Variants in DIPK1C observed in about 807,000 individuals in gnomAD.
The protein encoded by DIPK1C is divergent protein kinase domain 1C, also known as familial non-conventional Alzheimer's dementia.
In DIPK1C, 33 loss-of-function variants were observed where a neutral mutation model predicts 28.0. The ratio of observed to expected loss-of-function variants is 1.18; its 90% confidence interval spans 0.89 to 1.58. The LOEUF (loss-of-function observed/expected upper bound fraction) is 1.58, where lower values mean the gene tolerates loss of function less well. Among genes scored for constraint, DIPK1C ranks in the 40% most tolerant of loss-of-function variants. The pLI is 0.00. For missense variants in DIPK1C, 569 were observed against 568.5 expected, an observed-to-expected ratio of 1.00 and a Z score of -0.01; for synonymous variants, 255 against 248.8, an observed-to-expected ratio of 1.02 and a Z score of -0.23.
chr18:74,446,476 T>G, intron 2 of DIPK1C, 130 bp downstream of exon 2: 1 of 828,836 alleles, frequency 1.2e-6, no homozygotes, highest in South Asian at 4.0e-5. Flanking sequence ...AGGTGGGAGT[T>G]CTCTAAGGCT....
chr18:74,445,820 C>T (rs933984973), intron 2 of DIPK1C, among the ~76,000 whole-genome samples: 1 of 152,232 alleles, frequency 6.6e-6, no homozygotes, highest in African/African-American at 2.4e-5. Flanking sequence ...CTTATTACTA[C>T]TTCCTGTTGG....
intron 1 of DIPK1C, among the ~76,000 whole-genome samples, chr18:74,449,911 G>A (rs528329363): frequency 1.3e-5 from 2 of 152,292 alleles, no homozygotes; most frequent in South Asian, 2.1e-4. Flanking sequence ...TCCCAGGCAC[G>A]GGGTCATGAA....
At chr18:74,449,676 T>C (rs190070418) in intron 1 of DIPK1C, among the ~76,000 whole-genome samples, 30 of 152,252 alleles carry the variant, frequency 2.0e-4, no homozygotes, top group Admixed American at 1.6e-3. Context: ...GGCCTGTAGA[T>C]AGAAACTCAG....
chr18:74,446,714 G>A lies in DIPK1C; in HGVS notation c.768C>T (p.Ile256=), dbSNP rs537562844. Residue 256 remains isoleucine, a synonymous_variant, in exon 2 of 4, where the codon ATC becomes ATT. Transcript: ENST00000343998. ...TCACCATGTCCAAGAAGCTGAGTGC[G>A]ATGTCACTGATGGCCTTGGCCTGGC... The part of the protein sequence containing the change: ...GGGQAKAISD[I]ALSFLDMVNH... 35 of 1,543,096 alleles carry A rather than the reference G, an allele frequency of 2.3e-5. 1 individual carries two copies. The South Asian group carries it at 3.5e-4, about 15-fold the overall frequency.
the DIPK1C span, among the ~76,000 whole-genome samples, chr18:74,464,239 CA>C: frequency 6.6e-6 from 1 of 152,200 alleles, no homozygotes; most frequent in African/African-American, 2.4e-5. Flanking sequence ...TGCTCAAACC[CA>C]GTACTCCTGG....
At chr18:74,454,264 AG>A (rs1986457749) in intron 1 of DIPK1C, among the ~76,000 whole-genome samples, 1 of 152,106 alleles carries the variant, frequency 6.6e-6, no homozygotes, top group Non-Finnish European at 1.5e-5. Flanking sequence ...GAAACTTGTC[AG>A]GGGGGTGTGG....
rs1039462183 is a variant in DIPK1C at position 74,438,330 on chromosome 18, T to C, written c.1042-1611A>G. On this transcript the variant is annotated intron_variant, in intron 3 of 3. Transcript: ENST00000343998. ...TGCATAATAACTTTTGCATTATGAA[T>C]AATACTGCAATAAATGTCTTGCAGA... 2.6e-5 allele frequency among the ~76,000 whole-genome samples: 4 copies of C among 152,258 alleles called. No homozygotes were observed. The East Asian group carries it at 7.7e-4, about 29-fold the overall frequency.
At chr18:74,462,928 G>A (rs1986638115), upstream of DIPK1C, among the ~76,000 whole-genome samples, 2 of 152,204 alleles carry the variant, frequency 1.3e-5, no homozygotes, top group African/African-American at 2.4e-5. Context: ...TCCTGCAGCT[G>A]GGTCCTTTTA....
In DIPK1C at chr18:74,447,171, A is replaced by G. The variant is rs1399518465; in HGVS notation, c.311T>C (p.Leu104Pro). Residue 104 changes from leucine (L) to proline (P), a missense_variant, in exon 2 of 4, where the codon CTG becomes CCG. Physicochemically the swap from Leu to Pro is moderately conservative, Grantham distance 98 (BLOSUM62 -3). Transcript: ENST00000343998. This position sits in a 1 kb window ranked among gnomAD's most constrained non-coding sequence, Gnocchi z 4.1. Reference sequence around the variant, plus strand: ...GGGCCGGCCGCGCCAGTCGGCCTGCAGCACCTTCTTGCCTCTGTTGTAGTG... The same window carrying G: ...GGGCCGGCCGCGCCAGTCGGCCTGCGGCACCTTCTTGCCTCTGTTGTAGTG... Reference protein sequence around the residue: ...CLHYNRGKKVLQADWRGRPVV... With the variant: ...CLHYNRGKKVPQADWRGRPVV... 5.8e-6 allele frequency: 9 copies of G among 1,550,474 alleles called. No individual in the cohort carries two copies. Among genetic ancestry groups the G allele is most frequent in the Admixed American group, 2.0e-5 (1 of 50,990 alleles).
intron 3 of DIPK1C, among the ~76,000 whole-genome samples, chr18:74,441,542 G>A (rs1373454144): frequency 6.6e-6 from 1 of 152,198 alleles, no homozygotes; most frequent in Non-Finnish European, 1.5e-5. Context: ...CTGTCTGGAT[G>A]GTGGTTTCTG....
rs776487921 is a variant in DIPK1C, at chr18:74,447,053, G to A, written c.429C>T (p.Pro143=). 1.9e-5 allele frequency: 30 copies of A among 1,549,662 alleles called. No individual in the cohort carries two copies. Among genetic ancestry groups the A allele is most frequent in the African/African-American group, 1.6e-4 (12 of 73,036 alleles). ...EEAGEGGQDM[P]EAELLLMVAG... is the part of the protein sequence containing the mutation. ...CCACCATCAGGAGGAGTTCGGCCTCGGGCATGTCCTGGCCACCCTCCCCTG... is the reference window on the plus strand; with the variant it reads ...CCACCATCAGGAGGAGTTCGGCCTCAGGCATGTCCTGGCCACCCTCCCCTG... The change falls in exon 2 of 4, where the codon CCC becomes CCT. Residue 143 remains proline, a synonymous_variant. Coordinates refer to ENST00000343998, the MANE Select transcript of DIPK1C (RefSeq NM_001044369.3). This position sits in a 1 kb window ranked among gnomAD's most constrained non-coding sequence, Gnocchi z 4.1.
Position 74,436,377 on chromosome 18 carries a change from A to C in DIPK1C, c.*124T>G. 1.0e-6 allele frequency: 1 copy of C among 958,438 alleles called. No individual in the cohort carries two copies. Among genetic ancestry groups the C allele is most frequent in the Non-Finnish European group, 1.5e-6 (1 of 660,404 alleles). The allele number at this position is 958,438 out of a possible 1,614,324, so 59.4% of individuals were successfully genotyped here. Reference sequence around the variant, plus strand: ...CTGGCAGCAGCACTTGCCACTCCACAATGTGGAGACCAGAACGGCACCCCA... The same window carrying C: ...CTGGCAGCAGCACTTGCCACTCCACCATGTGGAGACCAGAACGGCACCCCA... On this transcript the variant is annotated 3_prime_UTR_variant, in exon 4 of 4. Coordinates refer to ENST00000343998, the MANE Select transcript of DIPK1C (RefSeq NM_001044369.3).
chr18:74,458,467 G>T (rs533705811), upstream of DIPK1C, among the ~76,000 whole-genome samples: 6 of 152,132 alleles, frequency 3.9e-5, no homozygotes, highest in African/African-American at 9.6e-5. Flanking sequence ...TCTGCAACTC[G>T]CTGCTTTAAC....
rs1235229253 is a variant in DIPK1C at position 74,454,557 on chromosome 18, C to T, written c.198+2505G>A. ...CTGGCAAAGTGGTTTCTTCTGTGCT[C>T]TGGTATTCAGAGTGAAAGCTAATGA... On this transcript the variant is annotated intron_variant, in intron 1 of 3. Transcript: ENST00000343998. Among the ~76,000 whole-genome samples, 7 of 152,222 alleles carry T rather than the reference C, an allele frequency of 4.6e-5. No individual in the cohort carries two copies. The East Asian group carries it at 9.6e-4, about 21-fold the overall frequency.
chr18:74,442,803 C>G (rs974212535), intron 2 of DIPK1C, among the ~76,000 whole-genome samples: 2 of 152,246 alleles, frequency 1.3e-5, no homozygotes, highest in Admixed American at 1.3e-4. Flanking sequence ...AGGCGTTATA[C>G]ATGAATTTCC....
chr18:74,460,308 A>T (rs986704753), upstream of DIPK1C, among the ~76,000 whole-genome samples: 3 of 152,206 alleles, frequency 2.0e-5, no homozygotes, highest in Non-Finnish European at 4.4e-5. Context: ...TCATCGAGGG[A>T]AAAAGCAAGT....
rs1206591072 is a variant in DIPK1C at position 74,457,108 on chromosome 18, G to A, written c.152C>T (p.Ser51Phe). ...GCTCTTCTCGTCGGTGCAGCGCTCG[G>A]AGAGGACACCCGGGTGCGCGCGGAG... Reference protein sequence around the residue: ...LLLRAHPGVLSERCTDEKSRR... With the variant: ...LLLRAHPGVLFERCTDEKSRR... The change falls in exon 1 of 4, where the codon TCC becomes TTC. Residue 51 changes from serine (S) to phenylalanine (F), a missense_variant. Ser to Phe is a radical substitution (Grantham distance 155). Transcript: ENST00000343998. 2.0e-6 allele frequency: 3 copies of A among 1,468,000 alleles called. No homozygotes were observed. The highest frequency in any genetic ancestry group is 1.3e-5 in the South Asian group (1 of 77,030). 90.9% of individuals were successfully genotyped at this position (1,468,000 alleles called of 1,614,324 possible).
At position 74,448,803 on chromosome 18, in the gene DIPK1C, G is replaced by C. The variant is rs2144524289; in HGVS notation, c.199-1520C>G. On this transcript the variant is annotated intron_variant, in intron 1 of 3. Transcript: ENST00000343998. ...TCAAAAGCTGGACCTCCAGTGTCTA[G>C]ATGTATAAATAATTCCAAAATCAGG... 1.3e-5 allele frequency among the ~76,000 whole-genome samples: 2 copies of C among 152,238 alleles called. 1 individual carries two copies. The highest frequency in any genetic ancestry group is 4.2e-4 in the South Asian group (2 of 4,810).
In DIPK1C at chr18:74,457,154, C is replaced by T. The variant is rs1475872617; in HGVS notation, c.106G>A (p.Val36Met). The T allele has an allele frequency of 4.3e-6, 6 of 1,398,412 alleles. No homozygotes were observed. Among genetic ancestry groups the T allele is most frequent in the Non-Finnish European group, 5.6e-6 (6 of 1,079,952 alleles). The allele number at this position is 1,398,412 out of a possible 1,614,324, so 86.6% of individuals were successfully genotyped here. Residue 36 changes from valine to methionine, a missense_variant, in exon 1 of 4, where the codon GTG becomes ATG. Transcript: ENST00000343998. Reference protein sequence around the residue: ...LAFAAWTAGWVLAAALLLRAH... With the variant: ...LAFAAWTAGWMLAAALLLRAH... ...CGGAGCAGCAGCGCGGCCGCCAGCA[C>T]CCAGCCCGCGGTCCACGCGGCGAAG...
Sources: gnomAD v4.1 joint callset for allele counts (sites outside exome capture counted in the v4.1 genomes callset) on GRCh38, gnomAD v4.1.1 for gene constraint, Gnocchi (gnomAD v3.1) non-coding constraint, MANE v1.5 for transcripts, NCBI Gene and HGNC (gene_info 2026-07-23, HGNC 2026-07-21) for gene names.